Variants in TNKS2 observed in about 807,000 individuals in gnomAD.
TNKS2 encodes poly [ADP-ribose] polymerase tankyrase-2.
In TNKS2, 72 loss-of-function variants were observed where a neutral mutation model predicts 137.6. The ratio of observed to expected loss-of-function variants is 0.52; its 90% CI spans 0.43 to 0.64. The LOEUF (loss-of-function observed/expected upper bound fraction) is 0.64, where lower values mean the gene tolerates loss of function less well. TNKS2 is among the 30% of genes least tolerant of loss of function. TNKS2 has a pLI of 0.00. For missense variants in TNKS2, 1,049 were observed against 1,410.2 expected, an observed-to-expected ratio of 0.74 and a Z score of 4.10; for synonymous variants, 516 against 512.1, an observed-to-expected ratio of 1.01 and a Z score of -0.10.
At chr10:91,822,524 A>G (rs911951143) in intron 7 of TNKS2, among the ~76,000 whole-genome samples, 162 bp downstream of exon 7, 2 of 152,052 alleles carry the variant, frequency 1.3e-5, no homozygotes, top group Non-Finnish European at 2.9e-5. Flanking sequence ...ATAGCTCAGC[A>G]TTTGACTGCT....
At chr10:91,805,109 T>C (rs1589640710) in intron 1 of TNKS2, among the ~76,000 whole-genome samples, 1 of 26,342 alleles carries the variant, frequency 3.8e-5, no homozygotes, top group African/African-American at 3.0e-4. Flanking sequence ...CCAAGCAACT[T>C]TTTTTTTTTT....
intron 19 of TNKS2, 39 bp from the exon 20 acceptor site, chr10:91,849,473 T>C (rs1842479553): frequency 1.3e-6 from 2 of 1,482,500 alleles, no homozygotes; most frequent in Non-Finnish European, 1.9e-6. Flanking sequence ...ATTATTCTGA[T>C]GTGAAATTCC....
rs758789961 is a variant in TNKS2 at position 91,817,191 on chromosome 10, T to C, written c.482T>C (p.Leu161Ser). 7 of 1,613,718 alleles carry C rather than the reference T, an allele frequency of 4.3e-6. No homozygotes were observed. In the Admixed American group the frequency reaches 1.2e-4, roughly 27 times the overall value. ...TIRNTDGRTA[L>S]DLADPSAKAV... is the part of the protein sequence containing the mutation. ...CGAAATACAGATGGAAGGACAGCATTGGATTTAGCAGATCCATCTGCCAAA... is the reference window on the plus strand; with the variant it reads ...CGAAATACAGATGGAAGGACAGCATCGGATTTAGCAGATCCATCTGCCAAA... The change falls in exon 3 of 27, where the codon TTG becomes TCG. Residue 161 changes from leucine to serine, a missense_variant. Leu to Ser is a moderately radical substitution (Grantham distance 145). This residue lies in a region of TNKS2 where 374 missense variants were observed against 460.8 expected (regional missense o/e 0.81). Coordinates refer to ENST00000371627, the MANE Select transcript of TNKS2 (RefSeq NM_025235.4).
At chr10:91,858,318 A>G (rs1313053202) in intron 24 of TNKS2, among the ~76,000 whole-genome samples, 2 of 152,180 alleles carry the variant, frequency 1.3e-5, no homozygotes, top group African/African-American at 2.4e-5. Flanking sequence ...AAAACCCTAA[A>G]TAATTATCAT....
intron 23 of TNKS2, 70 bp downstream of exon 23, chr10:91,855,758 C>A: frequency 8.7e-7 from 1 of 1,145,476 alleles, no homozygotes; most frequent in Non-Finnish European, 1.3e-6. Flanking sequence ...AAGTAACTTT[C>A]ATAAGAATCT....
At position 91,851,321 on chromosome 10, in the gene TNKS2, A is replaced by T; in HGVS notation, c.2800A>T (p.Ile934Phe). 6.2e-7 allele frequency: 1 copy of T among 1,608,004 alleles called. No individual in the cohort carries two copies. The highest frequency in any genetic ancestry group is 8.5e-7 in the Non-Finnish European group (1 of 1,178,640). Residue 934 changes from isoleucine to phenylalanine, a missense_variant, in exon 21 of 27, where the codon ATC (isoleucine) becomes TTC (phenylalanine). Ile to Phe is a conservative substitution (Grantham distance 21, BLOSUM62 0). Around this residue, in one of 6 missense-constraint regions of TNKS2, gnomAD observed 208 missense variants for 231.2 expected, o/e 0.90. Coordinates refer to ENST00000371627, the MANE Select transcript of TNKS2 (RefSeq NM_025235.4). ...ACTAATTAAAGGAGTCGAGAGACTT[A>T]TCTCCGGACAACAAGGTATTTTATT... ...HKLIKGVERL[I>F]SGQQGLNPYL...
At chr10:91,798,944 G>A (rs1001868156) in intron 1 of TNKS2, 55 bp downstream of exon 1, 11 of 1,313,722 alleles carry the variant, frequency 8.4e-6, no homozygotes, top group South Asian at 2.2e-5. Flanking sequence ...GCGCAGCCGG[G>A]GCCCACAGGT....
At chr10:91,799,835 A>G (rs1230403310) in intron 1 of TNKS2, among the ~76,000 whole-genome samples, 3 of 152,106 alleles carry the variant, frequency 2.0e-5, no homozygotes, top group East Asian at 1.9e-4. Context: ...ACCTCTGACA[A>G]TCCTGGTTTT....
In TNKS2 at chr10:91,855,692, A is replaced by G; in HGVS notation, c.2988+4A>G. Reference sequence around the variant, plus strand: ...CAACAGATACAATATTCTCAAGGTAATAAATTAGTGAAAGTAAAGTTTTCT... The same window carrying G: ...CAACAGATACAATATTCTCAAGGTAGTAAATTAGTGAAAGTAAAGTTTTCT... On this transcript the variant is annotated splice_donor_region_variant and intron_variant, in intron 23 of 26. Coordinates refer to ENST00000371627, the MANE Select transcript of TNKS2 (RefSeq NM_025235.4). The G allele has an allele frequency of 6.2e-7, 1 of 1,605,728 alleles. No individual in the cohort carries two copies. The highest frequency in any genetic ancestry group is 1.1e-5 in the South Asian group (1 of 90,120).
chr10:91,829,486 C>T (rs528030291), intron 9 of TNKS2, among the ~76,000 whole-genome samples: 1 of 152,076 alleles, frequency 6.6e-6, no homozygotes, highest in Non-Finnish European at 1.5e-5. Flanking sequence ...GGTGCAGTAG[C>T]AGTTTCTTAC....
At chr10:91,827,985 T>C (rs1372603181) in intron 8 of TNKS2, among the ~76,000 whole-genome samples, 1 of 152,116 alleles carries the variant, frequency 6.6e-6, no homozygotes, top group Non-Finnish European at 1.5e-5. Context: ...AGGAAGATAT[T>C]GTAGTACTCC....
intron 1 of TNKS2, among the ~76,000 whole-genome samples, chr10:91,805,086 A>G (rs1199779254): frequency 4.1e-5 from 6 of 146,346 alleles, no homozygotes; most frequent in Non-Finnish European, 7.4e-5. Flanking sequence ...CAATCTAAAG[A>G]TTTCGCCAAA....
At chr10:91,799,493 C>T (rs955395427) in intron 1 of TNKS2, among the ~76,000 whole-genome samples, 1 of 152,072 alleles carries the variant, frequency 6.6e-6, no homozygotes, top group Admixed American at 6.6e-5. Flanking sequence ...GTGCGGGAAG[C>T]CTTAGACACA....
chr10:91,824,375 A>G (rs17107109), intron 7 of TNKS2, among the ~76,000 whole-genome samples: 14,338 of 152,258 alleles, frequency 0.094, 768 homozygotes, highest in East Asian at 0.19. Context: ...TCCCTGGACA[A>G]AGCATTCAAA....
In TNKS2 at chr10:91,798,539, A is replaced by C; in HGVS notation, c.-152A>C. 2 of 914,870 alleles carry C rather than the reference A, an allele frequency of 2.2e-6. No individual in the cohort carries two copies. The highest frequency in any genetic ancestry group is 4.0e-5 in the East Asian group (1 of 25,104). The allele number at this position is 914,870 out of a possible 1,614,324, so 56.7% of individuals were successfully genotyped here. On this transcript the variant is annotated 5_prime_UTR_variant, in exon 1 of 27. It removes an upstream start codon present in the reference 5' UTR. Coordinates refer to ENST00000371627, the MANE Select transcript of TNKS2 (RefSeq NM_025235.4). ...GCGAGGGGCGCGCGTGGGCGCGGCC[A>C]TGGGACTGCGCCGGATCCGGTGACA...
At chr10:91,843,641 A>G (rs73327819) in intron 16 of TNKS2, among the ~76,000 whole-genome samples, 1,544 of 152,330 alleles carry the variant, frequency 0.01, 16 homozygotes, top group African/African-American at 0.035. Context: ...CAGCTGCATT[A>G]CAGATGTTAG....
chr10:91,830,967 T>C lies in TNKS2; in HGVS notation c.1149T>C (p.Cys383=). ...CATATCCCAAAAGAAAGCAAATATG[T>C]GAACTGTTGCTAAGAAAAGGAGCAA... ...ASPYPKRKQI[C]ELLLRKGANI... is the part of the protein sequence containing the mutation. The change falls in exon 10 of 27, where the codon TGT becomes TGC. Residue 383 remains cysteine, a synonymous_variant. Coordinates refer to ENST00000371627, the MANE Select transcript of TNKS2 (RefSeq NM_025235.4). The C allele has an allele frequency of 6.2e-7, 1 of 1,612,108 alleles. No homozygotes were observed. Among genetic ancestry groups the C allele is most frequent in the Non-Finnish European group, 8.5e-7 (1 of 1,179,696 alleles).
At chr10:91,820,188 T>C (rs1424212546) in intron 6 of TNKS2, among the ~76,000 whole-genome samples, 155 bp downstream of exon 6, 6 of 152,238 alleles carry the variant, frequency 3.9e-5, no homozygotes, top group Non-Finnish European at 8.8e-5. Context: ...CAGGAAATTA[T>C]AAAACCTTAA....
At position 91,864,738 on chromosome 10, in the gene TNKS2, C is replaced by G. The variant is rs1396318139; in HGVS notation, c.*1739C>G. 6.6e-6 allele frequency: 1 copy of G among 152,580 alleles called. No homozygotes were observed. Among genetic ancestry groups the G allele is most frequent in the Non-Finnish European group, 1.5e-5 (1 of 68,022 alleles). The allele number at this position is 152,580 out of a possible 1,614,324, so 9.5% of individuals were successfully genotyped here. ...TATCCGAAAGTCATTTCTTGGAACA[C>G]AAGTGGAGTATGCCAAATTTTATAT... On this transcript the variant is annotated 3_prime_UTR_variant, in exon 27 of 27. Coordinates refer to ENST00000371627, the MANE Select transcript of TNKS2 (RefSeq NM_025235.4).
Sources: allele counts gnomAD v4.1 joint callset (sites outside exome capture counted in the v4.1 genomes callset), GRCh38; gene constraint gnomAD v4.1.1; regional missense constraint gnomAD v4.1.1; transcripts MANE v1.5; gene names NCBI Gene and HGNC (gene_info 2026-07-23, HGNC 2026-07-21).